Variants in EEA1 observed in about 807,000 individuals in gnomAD.
EEA1 encodes early endosome antigen 1, 162kD.
In EEA1, 111 loss-of-function variants were observed where a neutral mutation model predicts 209.2. The ratio of observed to expected loss-of-function variants is 0.53; its 90% confidence interval spans 0.45 to 0.62. The LOEUF is 0.62. Ranked by LOEUF, EEA1 falls within the 20% of genes least tolerant of loss-of-function variation. EEA1 has a pLI of 0.00. For synonymous variants in EEA1, 536 were observed against 540.6 expected (o/e 0.99, Z 0.12); for missense variants, 1,343 against 1,530.8 (o/e 0.88, Z 2.05).
At chr12:92,880,933 G>A (rs555489999) in intron 2 of EEA1, among the ~76,000 whole-genome samples, 23 of 152,314 alleles carry the variant, frequency 1.5e-4, no homozygotes, top group South Asian at 2.1e-4. Flanking sequence ...ACCAGTTAGT[G>A]ATCTCAGGAG....
At position 92,807,857 on chromosome 12, in the gene EEA1, A is replaced by G. The variant is rs1875290684; in HGVS notation, c.2339+1160T>C. ...ATGTCATTTCTCCCCAAATTGATTTATAGTTTCAAGGGAATTCTAATCAAA... is the reference window on the plus strand; with the variant it reads ...ATGTCATTTCTCCCCAAATTGATTTGTAGTTTCAAGGGAATTCTAATCAAA... On this transcript the variant is annotated intron_variant, in intron 18 of 28. Coordinates refer to ENST00000322349, the MANE Select transcript of EEA1 (RefSeq NM_003566.4). Among the ~76,000 whole-genome samples the G allele has an allele frequency of 2.0e-5, 3 of 152,280 alleles. No homozygotes were observed. The South Asian group carries it at 6.2e-4, about 32-fold the overall frequency.
intron 2 of EEA1, among the ~76,000 whole-genome samples, chr12:92,867,546 C>T (rs903064629): frequency 9.2e-5 from 14 of 151,910 alleles, no homozygotes; most frequent in Non-Finnish European, 1.6e-4. Flanking sequence ...ACTCTGAGCA[C>T]GTAAAAACTA....
Position 92,859,071 on chromosome 12 carries a change from AT to A in EEA1, c.246-1587del. ...ATTCTATTGGAGTTTCTCATCCATT[AT>A]CTATCTCTGTTTTCCATTATAGTAC... On this transcript the variant is annotated intron_variant, in intron 3 of 28. Coordinates refer to ENST00000322349, the MANE Select transcript of EEA1 (RefSeq NM_003566.4). 3.9e-6 allele frequency: 3 copies of A among 765,712 alleles called. No individual in the cohort carries two copies. The South Asian group carries it at 4.9e-5, about 12-fold the overall frequency. The allele number at this position is 765,712 out of a possible 1,614,324, so 47.4% of individuals were successfully genotyped here.
In EEA1 at chr12:92,826,281, T is replaced by A; in HGVS notation, c.1409A>T (p.Lys470Met). ...LKLSRLEEQL[K>M]EKVTNSTELQ... The stretch of plus-strand genomic sequence containing the variant: ...TTCTGTAGAATTTGTAACTTTTTCC[T>A]TCAACTTAAAAAAATGTAGATTGTC... The change falls in exon 13 of 29, where the codon AAG becomes ATG. Residue 470 changes from lysine (K) to methionine (M), a missense_variant. Around this residue, in one of 3 missense-constraint regions of EEA1, gnomAD observed 1,307 missense variants for 1,465.5 expected, o/e 0.89. Transcript: ENST00000322349. The A allele has an allele frequency of 6.2e-7, 1 of 1,610,060 alleles. No individual in the cohort carries two copies. The highest frequency in any genetic ancestry group is 8.5e-7 in the Non-Finnish European group (1 of 1,177,000).
At chr12:92,863,296 T>A (rs1220413381) in intron 3 of EEA1, among the ~76,000 whole-genome samples, 5 of 152,246 alleles carry the variant, frequency 3.3e-5, no homozygotes, top group Non-Finnish European at 7.3e-5. Context: ...GCACTATGAC[T>A]ACTTTATCCA....
intron 11 of EEA1, among the ~76,000 whole-genome samples, chr12:92,830,286 T>A (rs1239584730): frequency 1.3e-5 from 2 of 152,160 alleles, no homozygotes; most frequent in African/African-American, 2.4e-5. Context: ...ATAAACATAG[T>A]ACCCAATAGG....
intron 13 of EEA1, 56 bp from the exon 14 acceptor site, chr12:92,819,567 T>C: frequency 8.0e-7 from 1 of 1,257,648 alleles, no homozygotes; most frequent in Non-Finnish European, 1.1e-6. Flanking sequence ...AAGTTATTCC[T>C]CAAACATAAA....
At chr12:92,922,357 T>C (rs113180394) in intron 1 of EEA1, among the ~76,000 whole-genome samples, 2,962 of 152,324 alleles carry the variant, frequency 0.019, 107 homozygotes, top group African/African-American at 0.066. Flanking sequence ...TGAAAATCAA[T>C]TTATTCTTTC....
chr12:92,828,190 G>A, intron 11 of EEA1, 129 bp from the exon 12 acceptor site: 1 of 644,976 alleles, frequency 1.6e-6, no homozygotes, highest in Non-Finnish European at 2.2e-6. Flanking sequence ...ATACTTTGGG[G>A]AAACCTAAGA....
intron 1 of EEA1, among the ~76,000 whole-genome samples, chr12:92,910,929 T>C (rs1013485390): frequency 2.0e-5 from 3 of 152,106 alleles, no homozygotes; most frequent in Non-Finnish European, 4.4e-5. Flanking sequence ...ATTAAAACAA[T>C]GGGATACCAC....
At chr12:92,929,022 A>C in intron 1 of EEA1, 21 bp downstream of exon 1, 1 of 1,587,048 alleles carries the variant, frequency 6.3e-7, no homozygotes, top group Non-Finnish European at 8.6e-7. Flanking sequence ...TGCTGCCAGA[A>C]AGACGGTTTC....
chr12:92,790,813 C>CAT (rs929493104), intron 21 of EEA1, among the ~76,000 whole-genome samples: 20 of 152,228 alleles, frequency 1.3e-4, no homozygotes, highest in African/African-American at 4.8e-4. Flanking sequence ...CTCCAAGACA[C>CAT]ATAATTGTCA....
chr12:92,928,784 T>C (rs1045060028), intron 1 of EEA1, among the ~76,000 whole-genome samples: 6 of 151,588 alleles, frequency 4.0e-5, no homozygotes, highest in Admixed American at 2.6e-4. Flanking sequence ...CGCAGCCCGC[T>C]CGCACACACG....
At chr12:92,789,045 C>A (rs980821372) in intron 21 of EEA1, among the ~76,000 whole-genome samples, 1 of 152,076 alleles carries the variant, frequency 6.6e-6, no homozygotes, top group African/African-American at 2.4e-5. Flanking sequence ...AATCCCAACA[C>A]TTCGGAAGGC....
intron 14 of EEA1, among the ~76,000 whole-genome samples, chr12:92,817,114 C>T (rs1157179392): frequency 6.6e-6 from 1 of 150,974 alleles, no homozygotes. Flanking sequence ...TTTCCTCCTC[C>T]CCACCCTTCT....
intron 1 of EEA1, among the ~76,000 whole-genome samples, chr12:92,909,827 G>A (rs1205052257): frequency 6.6e-6 from 1 of 151,822 alleles, no homozygotes; most frequent in African/African-American, 2.4e-5. Flanking sequence ...GACCAGCCTG[G>A]GCAACATGGT....
At chr12:92,819,651 A>C in intron 13 of EEA1, 140 bp from the exon 14 acceptor site, 1 of 538,110 alleles carries the variant, frequency 1.9e-6, no homozygotes, top group Non-Finnish European at 3.1e-6. Context: ...TCAATATGGT[A>C]AATTTAGTTA....
intron 1 of EEA1, among the ~76,000 whole-genome samples, chr12:92,904,836 C>G (rs1429761017): frequency 3.3e-5 from 5 of 152,184 alleles, no homozygotes; most frequent in Non-Finnish European, 5.9e-5. Context: ...GATACATCAC[C>G]CTCCCAGCAC....
At chr12:92,857,514 T>C (rs376787290) in intron 3 of EEA1, 29 bp from the exon 4 acceptor site, 26 of 1,473,332 alleles carry the variant, frequency 1.8e-5, no homozygotes, top group South Asian at 3.9e-5. Context: ...AAGGAATTAA[T>C]AGTCAATGTC....
Sources: allele counts gnomAD v4.1 joint callset (sites outside exome capture counted in the v4.1 genomes callset), GRCh38; gene constraint gnomAD v4.1.1; regional missense constraint gnomAD v4.1.1; transcripts MANE v1.5; gene names NCBI Gene and HGNC (gene_info 2026-07-23, HGNC 2026-07-21).